Variants in CDIN1 observed in about 807,000 individuals in gnomAD.
CDIN1 encodes the protein CDAN1 interacting nuclease 1, also known as CDAN1-interacting nuclease 1.
In CDIN1, 33 loss-of-function variants were observed where a neutral mutation model predicts 45.3. The observed-to-expected ratio is 0.73, with a 90% CI of 0.55 to 0.97. The LOEUF (loss-of-function observed/expected upper bound fraction) is 0.97. CDIN1 is among the 50% of genes least tolerant of loss of function. CDIN1 has a pLI of 0.00. For missense variants in CDIN1, 303 were observed against 339.4 expected (o/e 0.89, Z 0.84); for synonymous variants, 118 against 124.4 (o/e 0.95, Z 0.34).
At chr15:36,780,808 G>A (rs2054331818) in intron 10 of CDIN1, among the ~76,000 whole-genome samples, 1 of 152,132 alleles carries the variant, frequency 6.6e-6, no homozygotes, top group African/African-American at 2.4e-5. Flanking sequence ...CAGAGAACTA[G>A]TAAGTGGCCG....
intron 10 of CDIN1, among the ~76,000 whole-genome samples, chr15:36,742,899 G>A (rs907443567): frequency 6.6e-6 from 1 of 152,198 alleles, no homozygotes; most frequent in Admixed American, 6.5e-5. Context: ...GTAGCAACTG[G>A]CTTGGGTCCT....
chr15:36,618,992 T>C, intron 1 of CDIN1: 1 of 1,527,938 alleles, frequency 6.5e-7, no homozygotes, highest in Non-Finnish European at 8.9e-7. Flanking sequence ...CCATCTTCAG[T>C]TCTTGTGTAG....
At chr15:36,614,981 T>A (rs1257428016) in intron 1 of CDIN1, among the ~76,000 whole-genome samples, 3 of 152,094 alleles carry the variant, frequency 2.0e-5, no homozygotes, top group African/African-American at 4.8e-5. Flanking sequence ...CTTTCCTGCC[T>A]CCTTGAAAGA....
rs115618394 is a variant in CDIN1 at position 36,778,963 on chromosome 15, A to G, written c.717-29361A>G. ...TCATGAAGCTATAATTGAAAACAGG[A>G]TTGTAGGAGCCGAGTAAGACTGGGG... On this transcript the variant is annotated intron_variant, in intron 10 of 10. Transcript: ENST00000566621. Among the ~76,000 whole-genome samples, 964 of 152,320 alleles carry G rather than the reference A, an allele frequency of 6.3e-3. 7 individuals are homozygous for G. Among genetic ancestry groups the G allele is most frequent in the African/African-American group, 0.022 (912 of 41,566 alleles).
rs771030329 is a variant in CDIN1, at chr15:36,709,204, G to A, written c.545-19G>A. On this transcript the variant is annotated intron_variant, in intron 8 of 10. Transcript: ENST00000566621. ...AATTGAATAGTGTTTTAAGTAAATA[G>A]TGTTTGTTCTTCCTGTAGATGAAGA... 1.9e-6 allele frequency: 3 copies of A among 1,583,494 alleles called. No individual in the cohort carries two copies. Among genetic ancestry groups the A allele is most frequent in the Non-Finnish European group, 2.6e-6 (3 of 1,165,592 alleles).
chr15:36,763,582 A>G (rs530019738), intron 10 of CDIN1, among the ~76,000 whole-genome samples: 1 of 152,266 alleles, frequency 6.6e-6, no homozygotes, highest in Non-Finnish European at 1.5e-5. Context: ...CACTACCACA[A>G]GCCAGAAGAG....
At chr15:36,793,702 T>C (rs2054708344) in intron 10 of CDIN1, among the ~76,000 whole-genome samples, 1 of 152,170 alleles carries the variant, frequency 6.6e-6, no homozygotes, top group African/African-American at 2.4e-5. Context: ...CTTAACTTGG[T>C]ATTTATTTCC....
chr15:36,626,948 A>C (rs2039455934), intron 1 of CDIN1: 1 of 192,210 alleles, frequency 5.2e-6, no homozygotes, highest in Admixed American at 5.8e-5. Flanking sequence ...CACAGGCTTG[A>C]TGACCTCATC....
rs2040227374 is a variant in CDIN1, at chr15:36,644,341, T to G, written c.147+18T>G. 4 of 1,610,130 alleles carry G rather than the reference T, an allele frequency of 2.5e-6. No individual in the cohort carries two copies. The highest frequency in any genetic ancestry group is 3.4e-6 in the Non-Finnish European group (4 of 1,177,400). ...AGTACCAGGTTAGAAGTTTTCTCCT[T>G]TGTGAGGGTTGACAGGTGCCTAATT... On this transcript the variant is annotated intron_variant, in intron 2 of 10. Transcript: ENST00000566621.
chr15:36,765,907 A>G (rs2053911540), intron 10 of CDIN1, among the ~76,000 whole-genome samples: 1 of 152,218 alleles, frequency 6.6e-6, no homozygotes, highest in Non-Finnish European at 1.5e-5. Context: ...TATGGTAAGA[A>G]CACTTAACAT....
At chr15:36,662,936 T>A (rs1284232276) in intron 5 of CDIN1, among the ~76,000 whole-genome samples, 1 of 148,344 alleles carries the variant, frequency 6.7e-6, no homozygotes, top group Non-Finnish European at 1.5e-5. Context: ...TCCAAAATGC[T>A]CCAATGAGCA....
chr15:36,671,373 G>C (rs902504181), intron 5 of CDIN1, among the ~76,000 whole-genome samples: 2 of 152,164 alleles, frequency 1.3e-5, no homozygotes, highest in Non-Finnish European at 2.9e-5. Context: ...AAAGGCAAAA[G>C]GATTGGGGGA....
chr15:36,789,512 A>G lies in CDIN1; in HGVS notation c.717-18812A>G, dbSNP rs75136241. ...AAATTAATGGGTGAAGGAAGTCTGA[A>G]AAAAAGGTTGGTCAACAGGTACAAA... is the stretch of plus-strand genomic sequence containing the variant. On this transcript the variant is annotated intron_variant, in intron 10 of 10. Coordinates refer to ENST00000566621, the MANE Select transcript of CDIN1 (RefSeq NM_001321759.2). Among the ~76,000 whole-genome samples, 3 of 152,290 alleles carry G rather than the reference A, an allele frequency of 2.0e-5. No individual in the cohort carries two copies. In the East Asian group the frequency reaches 5.8e-4, roughly 29 times the overall value.
At chr15:36,637,215 G>C (rs2039935300) in intron 1 of CDIN1, among the ~76,000 whole-genome samples, 1 of 152,112 alleles carries the variant, frequency 6.6e-6, no homozygotes. Context: ...AAAACAAACT[G>C]TGATCCCCTC....
At chr15:36,618,178 G>T in intron 1 of CDIN1, 1 of 695,666 alleles carries the variant, frequency 1.4e-6, no homozygotes, top group South Asian at 1.6e-5. Flanking sequence ...CTACTGCTAT[G>T]AATATGGGTC....
chr15:36,596,769 C>T (rs910215167), intron 1 of CDIN1, among the ~76,000 whole-genome samples: 1 of 151,052 alleles, frequency 6.6e-6, no homozygotes, highest in Admixed American at 6.6e-5. Context: ...CACTATAAAC[C>T]CCTCTTTAAA....
chr15:36,646,594 G>A (rs1334467674), intron 3 of CDIN1, among the ~76,000 whole-genome samples: 1 of 152,192 alleles, frequency 6.6e-6, no homozygotes, highest in Non-Finnish European at 1.5e-5. Flanking sequence ...AATGGCCCAT[G>A]AAGTGCTGTG....
intron 10 of CDIN1, among the ~76,000 whole-genome samples, chr15:36,799,981 A>AAATT (rs1209186372): frequency 1.3e-5 from 2 of 152,204 alleles, no homozygotes; most frequent in Non-Finnish European, 2.9e-5. Context: ...AGCAAAGTAG[A>AAATT]AATTAACTAC....
intron 10 of CDIN1, among the ~76,000 whole-genome samples, chr15:36,710,607 C>G (rs750886599): frequency 4.7e-4 from 72 of 152,248 alleles, no homozygotes; most frequent in Non-Finnish European, 9.6e-4. Context: ...CTCTCACTCC[C>G]AAATCTGTGT....
Sources: allele counts gnomAD v4.1 joint callset (sites outside exome capture counted in the v4.1 genomes callset), GRCh38; gene constraint gnomAD v4.1.1; transcripts MANE v1.5; gene names NCBI Gene and HGNC (gene_info 2026-07-23, HGNC 2026-07-21).